Variants in PRKN observed in about 807,000 individuals in gnomAD.
PRKN encodes the protein E3 ubiquitin-protein ligase parkin.
Under a neutral mutation model 59.5 loss-of-function variants are expected in PRKN, and 56 were observed. The observed-to-expected ratio is 0.94, with a 90% CI of 0.76 to 1.18. The LOEUF is 1.18. Among genes scored for constraint, PRKN ranks in the 50% most tolerant of loss-of-function variants. The pLI, the probability that PRKN is intolerant of heterozygous loss-of-function variation, is 0.00. For synonymous variants in PRKN, 250 were observed against 222.1 expected, an observed-to-expected ratio of 1.13 and a Z score of -1.12; for missense variants, 657 against 596.4, an observed-to-expected ratio of 1.10 and a Z score of -1.06.
At chr6:162,076,457 G>C (rs1778831233) in intron 4 of PRKN, among the ~76,000 whole-genome samples, 1 of 152,072 alleles carries the variant, frequency 6.6e-6, no homozygotes, top group Admixed American at 6.5e-5. Flanking sequence ...TTCACTTCAA[G>C]ATATTCCGAT....
chr6:162,291,099 G>A (rs762114761), intron 2 of PRKN, among the ~76,000 whole-genome samples: 3 of 152,134 alleles, frequency 2.0e-5, no homozygotes, highest in Non-Finnish European at 2.9e-5. Context: ...TTGCTGAGAC[G>A]GAGGCACATA....
Position 161,446,081 on chromosome 6 carries a change from A to G in PRKN, c.1084-59204T>C, listed in dbSNP as rs1353028851. On this transcript the variant is annotated intron_variant, in intron 9 of 11. Transcript: ENST00000366898. This position sits in a 1 kb window ranked among gnomAD's most constrained non-coding sequence, Gnocchi z 6.2. ...TAGCTGGGTGTGGTGGCACATGCCT[A>G]TGGTCCCAGGTATCTGGAGCATGGG... is the stretch of plus-strand genomic sequence containing the variant. 7.2e-6 allele frequency among the ~76,000 whole-genome samples: 1 copy of G among 138,628 alleles called. No individual in the cohort carries two copies. The highest frequency in any genetic ancestry group is 2.6e-4 in the East Asian group (1 of 3,784). The allele number at this position is 138,628 out of a possible 152,430, so 90.9% of individuals were successfully genotyped here.
chr6:162,112,982 A>G (rs1236629306), intron 4 of PRKN, among the ~76,000 whole-genome samples: 1 of 152,082 alleles, frequency 6.6e-6, no homozygotes, highest in Non-Finnish European at 1.5e-5. Flanking sequence ...GAACTGATTC[A>G]CCGATTTCAT....
intron 1 of PRKN, among the ~76,000 whole-genome samples, chr6:162,623,989 C>A (rs943276942): frequency 1.4e-4 from 21 of 152,138 alleles, no homozygotes; most frequent in African/African-American, 4.8e-4. Context: ...TGTCTCACAC[C>A]TGTAATCCCA....
chr6:161,375,826 G>A (rs879340522), intron 10 of PRKN, among the ~76,000 whole-genome samples: 5 of 152,198 alleles, frequency 3.3e-5, no homozygotes, highest in Admixed American at 2.0e-4. Context: ...CCCGAACGAC[G>A]CGCTGGCTTT....
chr6:162,180,923 G>A (rs981651008), intron 4 of PRKN, among the ~76,000 whole-genome samples: 1 of 152,156 alleles, frequency 6.6e-6, no homozygotes, highest in Non-Finnish European at 1.5e-5. Context: ...ACACCAAAGA[G>A]GACATCAGGG....
chr6:162,340,777 C>CTTG (rs1784144284), intron 2 of PRKN, among the ~76,000 whole-genome samples: 1 of 151,992 alleles, frequency 6.6e-6, no homozygotes, highest in East Asian at 1.9e-4. Flanking sequence ...CAAAAATTAA[C>CTTG]TCAAGACCTA....
At position 162,414,709 on chromosome 6, in the gene PRKN, T is replaced by TGAAAAAAAAA. The variant is rs373871165; in HGVS notation, c.171+28600_171+28601insTTTTTTTTTC. The stretch of plus-strand genomic sequence containing the variant: ...CTGGTCAACTGAGCAAGACTCCGTC[T>TGAAAAAAAAA]CAAAAAAAAAAAAAAAAAGTGAATC... On this transcript the variant is annotated intron_variant, in intron 2 of 11. Coordinates refer to ENST00000366898, the MANE Select transcript of PRKN (RefSeq NM_004562.3). Among the ~76,000 whole-genome samples, 436 of 44,492 alleles carry TGAAAAAAAAA rather than the reference T, an allele frequency of 9.8e-3. 61 individuals are homozygous for TGAAAAAAAAA. The highest frequency in any genetic ancestry group is 0.033 in the East Asian group (30 of 914). 29.2% of individuals were successfully genotyped at this position (44,492 alleles called of 152,430 possible). A position where few individuals can be genotyped will look rare whatever the true frequency, so the allele number is the denominator to read the frequency against.
At chr6:162,325,404 C>T (rs1783224739) in intron 2 of PRKN, among the ~76,000 whole-genome samples, 1 of 152,254 alleles carries the variant, frequency 6.6e-6, no homozygotes, top group East Asian at 1.9e-4. Flanking sequence ...CTCATCTCGA[C>T]GGAAACAGCC....
chr6:162,024,011 C>T lies in PRKN; in HGVS notation c.618+30080G>A, dbSNP rs184229976. On this transcript the variant is annotated intron_variant, in intron 5 of 11. Transcript: ENST00000366898. ...TGGTTCCATATCAATTTTAGAATTG[C>T]TTTTTCTAGTTCTGTGAAAAATGGC... 5.4e-3 allele frequency among the ~76,000 whole-genome samples: 827 copies of T among 152,072 alleles called. 12 individuals are homozygous for T. The highest frequency in any genetic ancestry group is 0.018 in the African/African-American group (754 of 41,472).
chr6:161,544,987 GC>G lies in PRKN; in HGVS notation c.1083+3866del. 4.9e-6 allele frequency: 1 copy of G among 204,804 alleles called. No individual in the cohort carries two copies. Among genetic ancestry groups the G allele is most frequent in the South Asian group, 1.2e-4 (1 of 8,032 alleles). 12.7% of individuals were successfully genotyped at this position (204,804 alleles called of 1,614,324 possible). A position where few individuals can be genotyped will look rare whatever the true frequency, so the allele number is the denominator to read the frequency against. On this transcript the variant is annotated intron_variant, in intron 9 of 11. Coordinates refer to ENST00000366898, the MANE Select transcript of PRKN (RefSeq NM_004562.3). The surrounding 1 kb of genome is among the most constrained non-coding windows in gnomAD (Gnocchi z 5.5). The stretch of plus-strand genomic sequence containing the variant: ...GATATACAACAGAAACCACAGCTGT[GC>G]GGAAGACCACCCAGGTACATGGTCG...
chr6:162,120,576 T>C (rs1019168079), intron 4 of PRKN, among the ~76,000 whole-genome samples: 3 of 152,206 alleles, frequency 2.0e-5, no homozygotes, highest in African/African-American at 7.2e-5. Context: ...GATAAATGGA[T>C]GAGGCCCACG....
At position 162,414,247 on chromosome 6, in the gene PRKN, C is replaced by G. The variant is rs561220040; in HGVS notation, c.171+29063G>C. 1.1e-4 allele frequency among the ~76,000 whole-genome samples: 16 copies of G among 152,234 alleles called. No individual in the cohort carries two copies. The South Asian group carries it at 3.1e-3, about 30-fold the overall frequency. On this transcript the variant is annotated intron_variant, in intron 2 of 11. Transcript: ENST00000366898. ...GGCTTTAGGAAATGCACAGAACTTA[C>G]TGCTCCATAATACAAACAAAACTTT...
intron 5 of PRKN, among the ~76,000 whole-genome samples, chr6:161,986,213 C>G (rs1781429945): frequency 6.6e-6 from 1 of 152,196 alleles, no homozygotes; most frequent in African/African-American, 2.4e-5. Flanking sequence ...ATAAACATGA[C>G]TGTAGAACTG....
At chr6:162,301,905 C>A (rs1345724666) in intron 2 of PRKN, among the ~76,000 whole-genome samples, 6 of 151,956 alleles carry the variant, frequency 3.9e-5, no homozygotes, top group Non-Finnish European at 8.8e-5. Flanking sequence ...ATTTGTGCTA[C>A]AGTCACAAAT....
intron 1 of PRKN, among the ~76,000 whole-genome samples, chr6:162,541,266 C>T (rs1778916459): frequency 6.6e-6 from 1 of 152,190 alleles, no homozygotes; most frequent in African/African-American, 2.4e-5. Flanking sequence ...CGTGGTGCAT[C>T]ATTTCATATA....
chr6:162,611,931 A>G (rs149207925), intron 1 of PRKN, among the ~76,000 whole-genome samples: 39 of 152,068 alleles, frequency 2.6e-4, no homozygotes, highest in East Asian at 2.1e-3. Context: ...CACGCCTGTA[A>G]TCCCAGCACT....
intron 1 of PRKN, among the ~76,000 whole-genome samples, chr6:162,715,097 T>C (rs562746358): frequency 7.0e-4 from 106 of 152,330 alleles, no homozygotes; most frequent in Admixed American, 4.2e-3. Flanking sequence ...TCAAGGCATA[T>C]AGTTACTTCC....
chr6:161,484,599 G>A lies in PRKN; in HGVS notation c.1083+64255C>T, dbSNP rs1477520443. Among the ~76,000 whole-genome samples the A allele has an allele frequency of 2.0e-5, 3 of 152,118 alleles. No individual in the cohort carries two copies. Among genetic ancestry groups the A allele is most frequent in the Admixed American group, 6.5e-5 (1 of 15,274 alleles). ...CCAAAGCAAGCTGTGGGTACGGACG[G>A]CATCAGAACTAAACGCAGGGAGTCT... On this transcript the variant is annotated intron_variant, in intron 9 of 11. Transcript: ENST00000366898. This position sits in a 1 kb window ranked among gnomAD's most constrained non-coding sequence, Gnocchi z 4.9.
Sources: allele counts gnomAD v4.1 joint callset (sites outside exome capture counted in the v4.1 genomes callset), GRCh38; gene constraint gnomAD v4.1.1; non-coding constraint Gnocchi (gnomAD v3.1); transcripts MANE v1.5; gene names NCBI Gene and HGNC (gene_info 2026-07-23, HGNC 2026-07-21).